The following CASP10 variants were observed in gnomAD, a reference collection of about 807,000 sequenced individuals.
CASP10 encodes caspase 10.
A neutral mutation model predicts 48.5 loss-of-function variants in CASP10; 41 were observed. That is an observed-to-expected ratio of 0.85 (90% CI 0.66 to 1.10). CASP10 has a LOEUF of 1.10. Among genes scored for constraint, CASP10 ranks in the 50% least tolerant of loss-of-function variants. The pLI is 0.00. For missense variants in CASP10, 614 were observed against 614.5 expected (o/e 1.00, Z 0.01); for synonymous variants, 232 against 238.4 (o/e 0.97, Z 0.25).
chr2:201,209,037 CTCTCTT>C, intron 8 of CASP10, 27 bp from the exon 9 acceptor site: 1 of 1,531,462 alleles, frequency 6.5e-7, no homozygotes, highest in African/African-American at 1.4e-5. Context: ...CTCTCTCTCT[CTCTCTT>C]TTTTTTTTTT....
chr2:201,227,925 C>G (rs1307646954), intron 9 of CASP10, among the ~76,000 whole-genome samples: 1 of 152,112 alleles, frequency 6.6e-6, no homozygotes, highest in East Asian at 1.9e-4. Flanking sequence ...GTCATCTTCA[C>G]CATGACACCC....
chr2:201,190,859 A>G (rs1289596617), intron 3 of CASP10, among the ~76,000 whole-genome samples: 1 of 151,422 alleles, frequency 6.6e-6, no homozygotes, highest in Non-Finnish European at 1.5e-5. Flanking sequence ...AATTATTATT[A>G]TTATTATTAT....
Position 201,187,716 on chromosome 2 carries a change from T to G in CASP10, c.358T>G (p.Tyr120Asp). 6.2e-7 allele frequency: 1 copy of G among 1,613,834 alleles called. No homozygotes were observed. The highest frequency in any genetic ancestry group is 8.5e-7 in the Non-Finnish European group (1 of 1,179,730). The part of the protein sequence containing the change: ...QRVSLFRNLL[Y>D]ELSEGIDSEN... ...GGGTGTGTGTCTTAGAAACCTGCTC[T>G]ACGAACTGTCAGAAGGCATTGACTC... Residue 120 changes from tyrosine to aspartate, a missense_variant, in exon 3 of 10, where the codon TAC becomes GAC. Physicochemically the swap from Tyr to Asp is radical, Grantham distance 160. Transcript: ENST00000286186.
downstream of CASP10, among the ~76,000 whole-genome samples, chr2:201,225,178 A>G (rs1180909563): frequency 1.3e-5 from 2 of 152,022 alleles, no homozygotes; most frequent in East Asian, 3.9e-4. Flanking sequence ...GACCCTATCT[A>G]TTGTCTTCCC....
In CASP10 at chr2:201,204,342, C is replaced by T. The variant is rs533706054; in HGVS notation, c.721+576C>T. Among the ~76,000 whole-genome samples the T allele has an allele frequency of 9.4e-4, 143 of 152,176 alleles. 1 individual carries two copies. Among genetic ancestry groups the T allele is most frequent in the African/African-American group, 3.3e-3 (138 of 41,444 alleles). On this transcript the variant is annotated intron_variant, in intron 6 of 9. Coordinates refer to ENST00000286186, the MANE Select transcript of CASP10 (RefSeq NM_032977.4). ...TGTGGTATGTAAAGTTTGTCACAGACCATTCCTCATTTTTTTTTCTGGAAA... is the reference window on the plus strand; with the variant it reads ...TGTGGTATGTAAAGTTTGTCACAGATCATTCCTCATTTTTTTTTCTGGAAA...
chr2:201,218,290 A>C lies in CASP10; in HGVS notation c.*549A>C. The C allele has an allele frequency of 1.0e-6, 1 of 998,974 alleles. No homozygotes were observed. The highest frequency in any genetic ancestry group is 1.2e-6 in the Non-Finnish European group (1 of 838,424). 61.9% of individuals were successfully genotyped at this position (998,974 alleles called of 1,614,324 possible). ...GGATGTCTATTCTGAAGACAGAGTA[A>C]TTGGCTTTGGTTTGTGCAGGTACTT... On this transcript the variant is annotated 3_prime_UTR_variant, in exon 10 of 10. Coordinates refer to ENST00000286186, the MANE Select transcript of CASP10 (RefSeq NM_032977.4).
chr2:201,222,065 C>T (rs1483778747), downstream of CASP10, among the ~76,000 whole-genome samples: 1 of 152,068 alleles, frequency 6.6e-6, no homozygotes, highest in Non-Finnish European at 1.5e-5. Context: ...TTGATCACAG[C>T]TATTTGACAG....
rs912143180 is a variant in CASP10, at chr2:201,217,857, C to T, written c.*116C>T. 17 of 1,602,578 alleles carry T rather than the reference C, an allele frequency of 1.1e-5. No homozygotes were observed. Among genetic ancestry groups the T allele is most frequent in the African/African-American group, 9.4e-5 (7 of 74,376 alleles). ...CTGTCATTCTAGAAACAGGAAACACCGTGTTTTCTGACACAGTCAATTCTG... is the reference window on the plus strand; with the variant it reads ...CTGTCATTCTAGAAACAGGAAACACTGTGTTTTCTGACACAGTCAATTCTG... On this transcript the variant is annotated 3_prime_UTR_variant, in exon 10 of 10. Transcript: ENST00000286186.
At chr2:201,212,569 G>T (rs1290686541) in intron 9 of CASP10, 1 of 152,216 alleles carries the variant, frequency 6.6e-6, no homozygotes, top group Non-Finnish European at 1.5e-5. Context: ...CAATGCGATT[G>T]TATAGAATTG....
intron 5 of CASP10, among the ~76,000 whole-genome samples, chr2:201,197,579 C>T (rs1186177077): frequency 6.6e-6 from 1 of 152,220 alleles, no homozygotes; most frequent in Non-Finnish European, 1.5e-5. Context: ...TGCATCACTG[C>T]ACTCCAGCTT....
chr2:201,202,955 TTTATC>T (rs1334375829), intron 5 of CASP10, among the ~76,000 whole-genome samples: 8 of 152,232 alleles, frequency 5.3e-5, no homozygotes, highest in Non-Finnish European at 8.8e-5. Context: ...TGTTTTTTGA[TTTATC>T]TTATTACTTT....
chr2:201,207,782 G>T (rs1172002144), intron 7 of CASP10, among the ~76,000 whole-genome samples: 2 of 151,546 alleles, frequency 1.3e-5, no homozygotes, highest in Non-Finnish European at 2.9e-5. Context: ...TTATCTGGGG[G>T]TGTTGGTGGG....
At chr2:201,200,552 A>G (rs1378061594) in intron 5 of CASP10, 4 of 1,595,532 alleles carry the variant, frequency 2.5e-6, no homozygotes, top group Admixed American at 1.7e-5. Flanking sequence ...AAGACTATGC[A>G]GGCAATCAGG....
chr2:201,197,870 T>C (rs7591912), intron 5 of CASP10, among the ~76,000 whole-genome samples: 147,465 of 152,314 alleles, frequency 0.97, 71,586 homozygotes, highest in East Asian at 1. Context: ...TGGGTTTGTA[T>C]CCATAAGTGG....
chr2:201,187,824 CTG>C, intron 3 of CASP10, 25 bp downstream of exon 3: 1 of 1,494,960 alleles, frequency 6.7e-7, no homozygotes, highest in South Asian at 1.1e-5. Context: ...CAGAATGGGT[CTG>C]TGTGAGCACT....
chr2:201,187,609 A>T (rs1441013137), intron 2 of CASP10, 97 bp from the exon 3 acceptor site: 1 of 916,820 alleles, frequency 1.1e-6, no homozygotes, highest in Non-Finnish European at 1.8e-6. Flanking sequence ...AGAGTTGATC[A>T]TTCAAATGAC....
chr2:201,190,104 T>C (rs1944556668), intron 3 of CASP10, among the ~76,000 whole-genome samples: 1 of 152,186 alleles, frequency 6.6e-6, no homozygotes, highest in Non-Finnish European at 1.5e-5. Flanking sequence ...GCTTCTTTAC[T>C]ATCTGGCAAA....
intron 9 of CASP10, among the ~76,000 whole-genome samples, chr2:201,211,696 C>G (rs1945399960): frequency 6.6e-6 from 1 of 152,110 alleles, no homozygotes; most frequent in Non-Finnish European, 1.5e-5. Context: ...GCAGATATCT[C>G]TCTGACATAT....
At chr2:201,192,785 G>T (rs571210662) in intron 3 of CASP10, among the ~76,000 whole-genome samples, 199 bp from the exon 4 acceptor site, 5 of 152,198 alleles carry the variant, frequency 3.3e-5, no homozygotes, top group African/African-American at 1.2e-4. Flanking sequence ...TATATATTTG[G>T]TATCTGGTAT....
Sources: allele counts gnomAD v4.1 joint callset (sites outside exome capture counted in the v4.1 genomes callset), GRCh38; gene constraint gnomAD v4.1.1; transcripts MANE v1.5; gene names NCBI Gene and HGNC (gene_info 2026-07-23, HGNC 2026-07-21).